Variants in ROBO2 observed in about 807,000 individuals in gnomAD.
ROBO2 encodes the protein roundabout guidance receptor 2.
A neutral mutation model predicts 160.8 loss-of-function variants in ROBO2; 53 were observed. The observed-to-expected ratio is 0.33, with a 90% confidence interval of 0.26 to 0.41. The LOEUF (loss-of-function observed/expected upper bound fraction) is 0.41. Among genes scored for constraint, ROBO2 ranks in the 10% least tolerant of loss-of-function variants. The pLI is 1.00. For synonymous variants in ROBO2, 664 were observed against 611.7 expected (o/e 1.09, Z -1.26); for missense variants, 1,577 against 1,722.4 (o/e 0.92, Z 1.49).
At chr3:76,990,691 G>A (rs1187273526) in intron 2 of ROBO2, among the ~76,000 whole-genome samples, 1 of 152,102 alleles carries the variant, frequency 6.6e-6, no homozygotes, top group Admixed American at 6.5e-5. Context: ...CTAGGGAAAG[G>A]AAAGGCAGTC....
At chr3:76,176,561 G>GA (rs1258697928) in intron 2 of ROBO2, among the ~76,000 whole-genome samples, 4 of 151,684 alleles carry the variant, frequency 2.6e-5, no homozygotes, top group East Asian at 3.9e-4. Flanking sequence ...GAGATTTGTG[G>GA]AAAAAAAATC....
chr3:76,371,249 CCTT>C (rs2076084413), intron 2 of ROBO2, among the ~76,000 whole-genome samples: 1 of 151,940 alleles, frequency 6.6e-6, no homozygotes, highest in African/African-American at 2.4e-5. Flanking sequence ...CTATCTGTAA[CCTT>C]CTTTGGGTAT....
At chr3:76,252,868 TA>T (rs1176689474) in intron 2 of ROBO2, among the ~76,000 whole-genome samples, 4 of 151,996 alleles carry the variant, frequency 2.6e-5, no homozygotes, top group African/African-American at 9.6e-5. Context: ...AAGTAGCCTC[TA>T]GGGGAGGCCT....
intron 2 of ROBO2, among the ~76,000 whole-genome samples, chr3:76,717,301 G>C (rs1461705520): frequency 6.6e-6 from 1 of 151,970 alleles, no homozygotes; most frequent in Non-Finnish European, 1.5e-5. Flanking sequence ...AGACCAGACT[G>C]GCCAAGATGG....
intron 2 of ROBO2, among the ~76,000 whole-genome samples, chr3:76,970,988 A>G (rs776024936): frequency 6.6e-6 from 1 of 152,194 alleles, no homozygotes; most frequent in African/African-American, 2.4e-5. Context: ...TTAATATTAC[A>G]TATTTAGCCT....
chr3:77,513,096 C>T (rs1020354863), intron 5 of ROBO2, among the ~76,000 whole-genome samples: 1 of 151,770 alleles, frequency 6.6e-6, no homozygotes, highest in African/African-American at 2.4e-5. Context: ...TTTATAGAGT[C>T]CTTACATAAT....
intron 24 of ROBO2, among the ~76,000 whole-genome samples, chr3:77,641,568 ATCT>A (rs1169646066): frequency 6.6e-6 from 1 of 152,214 alleles, no homozygotes; most frequent in Non-Finnish European, 1.5e-5. Context: ...TGTGTACAAT[ATCT>A]TCTATTAATG....
At chr3:77,515,829 G>A (rs1460588812) in intron 5 of ROBO2, among the ~76,000 whole-genome samples, 1 of 151,570 alleles carries the variant, frequency 6.6e-6, no homozygotes, top group Non-Finnish European at 1.5e-5. Context: ...TGAATTCCAG[G>A]GCACTGGATA....
At chr3:76,469,684 C>G (rs1221731550) in intron 2 of ROBO2, among the ~76,000 whole-genome samples, 1 of 152,092 alleles carries the variant, frequency 6.6e-6, no homozygotes, top group African/African-American at 2.4e-5. Context: ...GTTCAGTTAA[C>G]TACTCATCAC....
At chr3:76,252,790 CACAG>C (rs1193912280) in intron 2 of ROBO2, among the ~76,000 whole-genome samples, 1 of 144,024 alleles carries the variant, frequency 6.9e-6, no homozygotes, top group East Asian at 2.2e-4. Flanking sequence ...CACACACACA[CACAG>C]AGTTTTTTTG....
Position 77,250,787 on chromosome 3 carries a change from AG to A in ROBO2, c.388+152452del, listed in dbSNP as rs558617540. 1.5e-4 allele frequency among the ~76,000 whole-genome samples: 23 copies of A among 152,222 alleles called. No homozygotes were observed. In the South Asian group the frequency reaches 4.8e-3, roughly 32 times the overall value. Reference sequence around the variant, plus strand: ...AAGCTCACATGAGAGATGGAGGGTAAGGGGGCTGAACTCATCTTTTTATCAG... The same window carrying A: ...AAGCTCACATGAGAGATGGAGGGTAAGGGGCTGAACTCATCTTTTTATCAG... On this transcript the variant is annotated intron_variant, in intron 2 of 25. Coordinates refer to ENST00000461745, the Ensembl canonical transcript of ROBO2.
At chr3:76,754,282 A>G (rs9853601) in intron 2 of ROBO2, among the ~76,000 whole-genome samples, 3,226 of 152,018 alleles carry the variant, frequency 0.021, 112 homozygotes, top group African/African-American at 0.073. Context: ...GTTCTGTCAA[A>G]TAGCTTTTGA....
At chr3:76,652,066 TG>T (rs2091280591) in intron 2 of ROBO2, among the ~76,000 whole-genome samples, 1 of 152,150 alleles carries the variant, frequency 6.6e-6, no homozygotes, top group South Asian at 2.1e-4. Flanking sequence ...AAAATATGAC[TG>T]TAGATGGGAC....
intron 2 of ROBO2, among the ~76,000 whole-genome samples, chr3:77,313,249 A>G (rs1458319770): frequency 1.3e-5 from 2 of 152,200 alleles, no homozygotes; most frequent in African/African-American, 4.8e-5. Flanking sequence ...TTTAATTGAT[A>G]CATAACAATT....
At chr3:76,012,087 A>G (rs1229022756) in intron 2 of ROBO2, among the ~76,000 whole-genome samples, 7 of 152,230 alleles carry the variant, frequency 4.6e-5, no homozygotes, top group Non-Finnish European at 8.8e-5. Flanking sequence ...GAATTCTTAA[A>G]GATTAAATTT....
At chr3:76,024,707 T>A (rs1315969826) in intron 2 of ROBO2, among the ~76,000 whole-genome samples, 1 of 151,652 alleles carries the variant, frequency 6.6e-6, no homozygotes, top group Non-Finnish European at 1.5e-5. Context: ...TGCATTTAAT[T>A]GTGTTTTCTA....
At chr3:77,389,837 C>G (rs1451411421) in intron 2 of ROBO2, among the ~76,000 whole-genome samples, 1 of 151,992 alleles carries the variant, frequency 6.6e-6, no homozygotes, top group Non-Finnish European at 1.5e-5. Context: ...TGTCTGTTTT[C>G]TCACCCCCAC....
chr3:77,544,553 G>A (rs953394454), intron 6 of ROBO2, among the ~76,000 whole-genome samples: 1 of 152,046 alleles, frequency 6.6e-6, no homozygotes, highest in Non-Finnish European at 1.5e-5. Flanking sequence ...GGAATTGTCT[G>A]GAAAAATGCT....
chr3:76,926,911 A>T (rs146572750), intron 2 of ROBO2, among the ~76,000 whole-genome samples: 6 of 152,106 alleles, frequency 3.9e-5, no homozygotes, highest in African/African-American at 1.4e-4. Context: ...TTTTTCAAGC[A>T]TTCAAAGCCT....
Sources: allele counts gnomAD v4.1 joint callset (sites outside exome capture counted in the v4.1 genomes callset), GRCh38; gene constraint gnomAD v4.1.1; transcripts MANE v1.5; gene names NCBI Gene and HGNC (gene_info 2026-07-23, HGNC 2026-07-21).